ECPAS: variants seen among roughly 807,000 people sequenced by gnomAD.
The protein encoded by ECPAS is Ecm29 proteasome adaptor and scaffold.
Under a neutral mutation model 255.1 loss-of-function variants are expected in ECPAS, and 70 were observed. The observed-to-expected ratio is 0.27, with a 90% CI of 0.23 to 0.33. ECPAS has a LOEUF of 0.33. ECPAS is among the 10% of genes least tolerant of loss of function. The probability of loss-of-function intolerance (pLI) is 1.00; values close to 1 mark genes in which losing one functional copy is unlikely to be tolerated. For missense variants in ECPAS, 1,817 were observed against 2,206.4 expected, an observed-to-expected ratio of 0.82 and a Z score of 3.54; for synonymous variants, 784 against 775.0, an observed-to-expected ratio of 1.01 and a Z score of -0.19.
intron 31 of ECPAS, among the ~76,000 whole-genome samples, chr9:111,389,060 T>C (rs959227906): frequency 4.6e-5 from 7 of 152,172 alleles, no homozygotes; most frequent in Admixed American, 2.6e-4. Context: ...CTGATTGATA[T>C]AGAGAAGGCT....
rs562444876 is a variant in ECPAS at position 111,415,416 on chromosome 9, T to C, written c.1765-765A>G. Among the ~76,000 whole-genome samples the C allele has an allele frequency of 5.9e-5, 9 of 152,176 alleles. No individual in the cohort carries two copies. In the East Asian group the frequency reaches 1.7e-3, roughly 30 times the overall value. ...TATAACACCATAAAAACCTCTGATA[T>C]AGACCAGACACAGTGGCTCACGCCT... On this transcript the variant is annotated intron_variant, in intron 18 of 49. Coordinates refer to ENST00000684092, the MANE Select transcript of ECPAS (RefSeq NM_001364929.1).
At chr9:111,410,014 A>G in intron 23 of ECPAS, 27 bp downstream of exon 23, 3 of 1,527,714 alleles carry the variant, frequency 2.0e-6, no homozygotes, top group Non-Finnish European at 2.7e-6. Flanking sequence ...GAATTCCAGA[A>G]AGGGAAAAAA....
chr9:111,394,016 T>C, intron 26 of ECPAS, 144 bp downstream of exon 26: 2 of 865,642 alleles, frequency 2.3e-6, no homozygotes, highest in Non-Finnish European at 3.4e-6. Flanking sequence ...CCTATATACA[T>C]CAGGCCACCA....
chr9:111,464,850 A>G (rs74850507), intron 2 of ECPAS, among the ~76,000 whole-genome samples: 2,312 of 152,306 alleles, frequency 0.015, 70 homozygotes, highest in African/African-American at 0.053. Flanking sequence ...GGAGTAACAC[A>G]GGGGGTTTGA....
At chr9:111,408,719 C>G in intron 23 of ECPAS, 47 bp from the exon 24 acceptor site, 3 of 1,171,936 alleles carry the variant, frequency 2.6e-6, no homozygotes, top group Non-Finnish European at 3.6e-6. Flanking sequence ...TATATAATAG[C>G]TTTACCCCAG....
At chr9:111,406,450 G>A (rs1239208885) in intron 24 of ECPAS, among the ~76,000 whole-genome samples, 2 of 149,540 alleles carry the variant, frequency 1.3e-5, no homozygotes, top group Admixed American at 6.6e-5. Flanking sequence ...AGCACAACAG[G>A]GCAACAATAG....
chr9:111,440,492 A>G lies in ECPAS; in HGVS notation c.419T>C (p.Phe140Ser). The change falls in exon 6 of 50, where the codon TTT (phenylalanine) becomes TCT (serine). Residue 140 changes from phenylalanine (F) to serine (S), a missense_variant. This residue lies in a region of ECPAS where 573 missense variants were observed against 716.2 expected (regional missense o/e 0.80). Coordinates refer to ENST00000684092, the MANE Select transcript of ECPAS (RefSeq NM_001364929.1). Reference protein sequence around the residue: ...SLMHLLIPTLFHMKYPVESSK... With the variant: ...SLMHLLIPTLSHMKYPVESSK... ...TGATTCAACAGGGTATTTCATGTGA[A>G]AAAGGGTTGGTATTAAAAGATGCAT... 1 of 1,610,528 alleles carries G rather than the reference A, an allele frequency of 6.2e-7. No homozygotes were observed. Among genetic ancestry groups the G allele is most frequent in the Non-Finnish European group, 8.5e-7 (1 of 1,177,836 alleles).
rs1348946914 is a variant in ECPAS, at chr9:111,462,725, C to A, written c.22+10172G>T. Among the ~76,000 whole-genome samples, 6 of 149,102 alleles carry A rather than the reference C, an allele frequency of 4.0e-5. No homozygotes were observed. In the East Asian group the frequency reaches 9.9e-4, roughly 25 times the overall value. On this transcript the variant is annotated intron_variant, in intron 2 of 49. Transcript: ENST00000684092. ...TAAGATCTAAATTAATGGAGAAGCACAACATTCATGGAATTTTTTTTTTTT... is the reference window on the plus strand; with the variant it reads ...TAAGATCTAAATTAATGGAGAAGCAAAACATTCATGGAATTTTTTTTTTTT...
intron 24 of ECPAS, among the ~76,000 whole-genome samples, chr9:111,401,896 A>T (rs1474252928): frequency 1.3e-5 from 2 of 152,204 alleles, no homozygotes; most frequent in African/African-American, 2.4e-5. Context: ...AATCACTGTT[A>T]TTCTGTTCTT....
chr9:111,453,907 T>C (rs10980900), intron 2 of ECPAS, among the ~76,000 whole-genome samples: 30,762 of 151,890 alleles, frequency 0.2, 3,214 homozygotes, highest in East Asian at 0.33. Context: ...AAATGGTCCC[T>C]TGCACAGGAT....
At position 111,433,274 on chromosome 9, in the gene ECPAS, A is replaced by G. The variant is rs747005265; in HGVS notation, c.807T>C (p.Ser269=). The G allele has an allele frequency of 1.9e-6, 3 of 1,613,964 alleles. No homozygotes were observed. Among genetic ancestry groups the G allele is most frequent in the East Asian group, 2.2e-5 (1 of 44,884 alleles). The part of the protein sequence containing the change: ...LVIASSDTRH[S]VATAADLELK... ...ATTCCAGGTCTGCTGCCGTTGCCAC[A>G]CTGTGGCGTGTATCACTAGAGGCAA... The change falls in exon 8 of 50, where the codon AGT becomes AGC. Residue 269 remains serine (S), a synonymous_variant. Coordinates refer to ENST00000684092, the MANE Select transcript of ECPAS (RefSeq NM_001364929.1).
chr9:111,421,857 C>T, intron 15 of ECPAS, 64 bp downstream of exon 15: 1 of 1,564,108 alleles, frequency 6.4e-7, no homozygotes, highest in East Asian at 2.3e-5. Flanking sequence ...AGTAGCAATT[C>T]AAATTTTGTT....
At chr9:111,466,716 AC>A (rs1279592873) in intron 2 of ECPAS, among the ~76,000 whole-genome samples, 1 of 152,086 alleles carries the variant, frequency 6.6e-6, no homozygotes, top group African/African-American at 2.4e-5. Context: ...TGATGCAGTT[AC>A]AGCTCATTGC....
chr9:111,478,515 A>T lies in ECPAS; in HGVS notation c.-82-5515T>A, dbSNP rs150531431. 7.2e-3 allele frequency among the ~76,000 whole-genome samples: 1,095 copies of T among 152,258 alleles called. 10 individuals are homozygous for T. The highest frequency in any genetic ancestry group is 0.012 in the Non-Finnish European group (834 of 68,022). On this transcript the variant is annotated intron_variant, in intron 1 of 49. Coordinates refer to ENST00000684092, the MANE Select transcript of ECPAS (RefSeq NM_001364929.1). ...GCACTCCAGCCTGGACAACAGTGCG[A>T]GACTCCATCTCAAAAACAAAATAAT...
intron 4 of ECPAS, 143 bp downstream of exon 4, chr9:111,444,235 A>G (rs2098249838): frequency 3.4e-6 from 2 of 579,968 alleles, no homozygotes; most frequent in Non-Finnish European, 6.1e-6. Flanking sequence ...ACAGTGTGTC[A>G]TTTAAAAAAA....
chr9:111,460,628 A>G (rs147183650), intron 2 of ECPAS, among the ~76,000 whole-genome samples: 12 of 152,318 alleles, frequency 7.9e-5, no homozygotes, highest in African/African-American at 2.9e-4. Flanking sequence ...ACACAAATCA[A>G]TTGGTTTCCT....
At chr9:111,365,288 T>TATTATCATCATC (rs2098118899) in intron 48 of ECPAS, among the ~76,000 whole-genome samples, 1 of 147,532 alleles carries the variant, frequency 6.8e-6, no homozygotes, top group Non-Finnish European at 1.5e-5. Context: ...TAATAACCAT[T>TATTATCATCATC]ATCATCATCA....
At chr9:111,393,908 C>T (rs537432644) in intron 26 of ECPAS, among the ~76,000 whole-genome samples, 174 bp from the exon 27 acceptor site, 46 of 152,324 alleles carry the variant, frequency 3.0e-4, no homozygotes, top group African/African-American at 1.1e-3. Flanking sequence ...ACCACTTACA[C>T]GTAGTCTAAC....
Position 111,378,599 on chromosome 9 carries a change from C to T in ECPAS, c.3935G>A (p.Arg1312Gln), listed in dbSNP as rs570259199. ...ACTCACCTTTTCTTGCTCTGTCGCC[C>T]GGAGGCTCAAATAATTGAGAACTTG... ...EPQVLNYLSL[R>Q]ATEQEKAAMD... Residue 1312 changes from arginine to glutamine, a missense_variant, in exon 36 of 50, where the codon CGG becomes CAG. Physicochemically the swap from Arg to Gln is conservative, Grantham distance 43 (BLOSUM62 1). Transcript: ENST00000684092. 8.7e-6 allele frequency: 14 copies of T among 1,613,360 alleles called. No homozygotes were observed. The highest frequency in any genetic ancestry group is 1.2e-5 in the Non-Finnish European group (14 of 1,179,476).
Sources: gnomAD v4.1 joint callset for allele counts (sites outside exome capture counted in the v4.1 genomes callset) on GRCh38, gnomAD v4.1.1 for gene constraint, gnomAD v4.1.1 regional missense constraint, MANE v1.5 for transcripts, NCBI Gene and HGNC (gene_info 2026-07-23, HGNC 2026-07-21) for gene names.